MMEL1: variants seen among roughly 807,000 people sequenced by gnomAD.
MMEL1 encodes the protein membrane metalloendopeptidase like 1, also known as membrane metallo-endopeptidase-like 1.
Under a neutral mutation model 117.1 loss-of-function variants are expected in MMEL1, and 98 were observed. That is an observed-to-expected ratio of 0.84 (90% CI 0.71 to 0.99). The LOEUF (loss-of-function observed/expected upper bound fraction) is 0.99, where lower values mean the gene tolerates loss of function less well. Ranked by LOEUF, MMEL1 falls within the 50% of genes least tolerant of loss-of-function variation. The pLI is 0.00. For synonymous variants in MMEL1, 390 were observed against 415.1 expected, an observed-to-expected ratio of 0.94 and a Z score of 0.74; for missense variants, 1,014 against 1,049.1, an observed-to-expected ratio of 0.97 and a Z score of 0.46.
In MMEL1 at chr1:2,595,324, G is replaced by A; in HGVS notation, c.1536C>T (p.Asp512=). 1 of 1,613,948 alleles carries A rather than the reference G, an allele frequency of 6.2e-7. No homozygotes were observed. The highest frequency in any genetic ancestry group is 1.1e-5 in the South Asian group (1 of 91,084). ...GCCTGTTCATCTCCTCCAGGATGTA[G>A]TCAGGGTGCCCGATCTGCTCCCGGA... The part of the protein sequence containing the change: ...MSIREQIGHP[D]YILEEMNRRL... Residue 512 remains aspartate (D), a synonymous_variant, in exon 16 of 24, where the codon GAC becomes GAT. Transcript: ENST00000378412. This position sits in a 1 kb window ranked among gnomAD's most constrained non-coding sequence, Gnocchi z 4.8.
intron 2 of MMEL1, among the ~76,000 whole-genome samples, chr1:2,629,077 A>G (rs1354414252): frequency 2.6e-5 from 4 of 151,812 alleles, no homozygotes; most frequent in African/African-American, 7.3e-5. Flanking sequence ...GAGCTGCAGA[A>G]GCAGCGCGCG....
At chr1:2,608,530 C>T (rs1489419144) in intron 6 of MMEL1, among the ~76,000 whole-genome samples, 2 of 124,834 alleles carry the variant, frequency 1.6e-5, no homozygotes, top group Non-Finnish European at 3.3e-5. Flanking sequence ...CACACATACA[C>T]ATACACACAT....
At chr1:2,591,733 G>A (rs1396887652) in intron 22 of MMEL1, 100 bp from the exon 23 acceptor site, 4 of 1,141,538 alleles carry the variant, frequency 3.5e-6, no homozygotes, top group Non-Finnish European at 5.3e-6. Context: ...CTTCTAGGGT[G>A]GGGTGAGGGG....
chr1:2,626,054 T>C (rs1638260304), intron 2 of MMEL1, among the ~76,000 whole-genome samples: 1 of 152,088 alleles, frequency 6.6e-6, no homozygotes, highest in Non-Finnish European at 1.5e-5. Flanking sequence ...AGGACAGCGG[T>C]GAAGGGAAAT....
intron 2 of MMEL1, among the ~76,000 whole-genome samples, chr1:2,615,161 TC>T (rs1645183082): frequency 6.6e-6 from 1 of 152,112 alleles, no homozygotes; most frequent in Non-Finnish European, 1.5e-5. Flanking sequence ...GGAGCATAAC[TC>T]CCCACTCCTC....
intron 3 of MMEL1, among the ~76,000 whole-genome samples, chr1:2,611,580 T>G (rs1251265506): frequency 6.6e-6 from 1 of 152,142 alleles, no homozygotes; most frequent in Non-Finnish European, 1.5e-5. Flanking sequence ...TCCATCCCCA[T>G]GGGTGGTCCA....
At chr1:2,629,007 GC>G (rs959355901) in intron 2 of MMEL1, among the ~76,000 whole-genome samples, 5 of 151,858 alleles carry the variant, frequency 3.3e-5, no homozygotes, top group Non-Finnish European at 5.9e-5. Context: ...ACGGGTCTGC[GC>G]CCCCCACCCT....
chr1:2,604,184 A>C lies in MMEL1; in HGVS notation c.914T>G (p.Met305Arg). 6.7e-7 allele frequency: 1 copy of C among 1,502,322 alleles called. No homozygotes were observed. Among genetic ancestry groups the C allele is most frequent in the Non-Finnish European group, 9.0e-7 (1 of 1,112,132 alleles). 93.1% of individuals were successfully genotyped at this position (1,502,322 alleles called of 1,614,324 possible). A position where few individuals can be genotyped will look rare whatever the true frequency, so the allele number is the denominator to read the frequency against. The change falls in exon 10 of 24, where the codon ATG becomes AGG. Residue 305 changes from methionine to arginine, a missense_variant. Transcript: ENST00000378412. ...PRDSCLVQED[M>R]VQVLELETQL... ...TGTCTCCAGCTCCAGCACCTGCACC[A>C]TGTCCTCCTGCACCAGGCAGCTGTC...
Position 2,595,401 on chromosome 1 carries a change from G to A in MMEL1, c.1501-42C>T, listed in dbSNP as rs768975650. 2.2e-5 allele frequency: 34 copies of A among 1,568,784 alleles called. No individual in the cohort carries two copies. The highest frequency in any genetic ancestry group is 1.3e-4 in the East Asian group (6 of 44,656). On this transcript the variant is annotated intron_variant, in intron 15 of 23. Coordinates refer to ENST00000378412, the MANE Select transcript of MMEL1 (RefSeq NM_033467.4). The surrounding 1 kb of genome is among the most constrained non-coding windows in gnomAD (Gnocchi z 4.8). Reference sequence around the variant, plus strand: ...GACTGGTCAGTGGGTGCCCCACTGCGGATGGAGTCAGCCCGGGGGCCGGTC... The same window carrying A: ...GACTGGTCAGTGGGTGCCCCACTGCAGATGGAGTCAGCCCGGGGGCCGGTC...
At chr1:2,606,410 G>A (rs762843937) in intron 7 of MMEL1, 44 bp from the exon 8 acceptor site, 14 of 1,498,758 alleles carry the variant, frequency 9.3e-6, no homozygotes, top group Non-Finnish European at 1.2e-5. Context: ...GGGCCCTGGG[G>A]CCCCAGCCCG....
At position 2,595,667 on chromosome 1, in the gene MMEL1, G is replaced by A. The variant is rs1644824414; in HGVS notation, c.1501-308C>T. Among the ~76,000 whole-genome samples, 1 of 152,102 alleles carries A rather than the reference G, an allele frequency of 6.6e-6. No homozygotes were observed. Among genetic ancestry groups the A allele is most frequent in the Non-Finnish European group, 1.5e-5 (1 of 68,006 alleles). On this transcript the variant is annotated intron_variant, in intron 15 of 23. Transcript: ENST00000378412. The surrounding 1 kb of genome is among the most constrained non-coding windows in gnomAD (Gnocchi z 4.8). ...CACTCGGCTGCCGTCTGTCACTTGG[G>A]TCCAGAGGAGCTTCTGGTGGGTCTG...
intron 2 of MMEL1, among the ~76,000 whole-genome samples, chr1:2,619,882 A>T (rs907543305): frequency 7.2e-5 from 11 of 152,196 alleles, no homozygotes; most frequent in Non-Finnish European, 1.6e-4. Context: ...ATGCAGGAGA[A>T]AGTCAACAAG....
In MMEL1 at chr1:2,592,630, C is replaced by T. The variant is rs377631947; in HGVS notation, c.2067+25G>A. 478 of 1,142,760 alleles carry T rather than the reference C, an allele frequency of 4.2e-4. 1 individual carries two copies. The highest frequency in any genetic ancestry group is 5.2e-4 in the Non-Finnish European group (443 of 848,090). The allele number at this position is 1,142,760 out of a possible 1,614,324, so 70.8% of individuals were successfully genotyped here. On this transcript the variant is annotated intron_variant, in intron 21 of 23. Transcript: ENST00000378412. ...GACGCCCCCTCCCCTGCCGCGCTGA[C>T]GCCCCCTCCCCTGCCAGGCCCCACC...
intron 4 of MMEL1, among the ~76,000 whole-genome samples, chr1:2,610,240 C>T (rs369988368): frequency 6.6e-6 from 1 of 152,130 alleles, no homozygotes. Context: ...AACAGGGTCT[C>T]GCTGTGTTGC....
chr1:2,597,070 C>T (rs1644854653), intron 13 of MMEL1, among the ~76,000 whole-genome samples: 1 of 152,070 alleles, frequency 6.6e-6, no homozygotes, highest in Admixed American at 6.5e-5. Flanking sequence ...CTCTCAGCCA[C>T]CAGCTCCCAG....
intron 13 of MMEL1, among the ~76,000 whole-genome samples, chr1:2,597,135 C>T (rs946244180): frequency 6.6e-6 from 1 of 152,108 alleles, no homozygotes; most frequent in Non-Finnish European, 1.5e-5. Context: ...TCATCTGTCC[C>T]CAGGGACACA....
chr1:2,592,890 T>G lies in MMEL1; in HGVS notation c.1944A>C (p.Ser648=). The G allele has an allele frequency of 6.2e-7, 1 of 1,613,800 alleles. No homozygotes were observed. Among genetic ancestry groups the G allele is most frequent in the Non-Finnish European group, 8.5e-7 (1 of 1,179,932 alleles). ...NFSTQHFREQ[S]ECMIYQYGNY... ...TGCCGTACTGGTAGATCATGCACTCTGACTGCTCCCGGAAGTGCTGGGTGG... is the reference window on the plus strand; with the variant it reads ...TGCCGTACTGGTAGATCATGCACTCGGACTGCTCCCGGAAGTGCTGGGTGG... Residue 648 remains serine, a synonymous_variant, in exon 20 of 24, where the codon TCA becomes TCC. Coordinates refer to ENST00000378412, the MANE Select transcript of MMEL1 (RefSeq NM_033467.4).
At chr1:2,596,181 A>G in intron 14 of MMEL1, 74 bp from the exon 15 acceptor site, 1 of 1,395,888 alleles carries the variant, frequency 7.2e-7, no homozygotes, top group Non-Finnish European at 1.0e-6. Flanking sequence ...GGCTTTGGGG[A>G]GGTCTGGTCT....
chr1:2,600,722 G>GTTGC (rs1553139878), intron 11 of MMEL1, among the ~76,000 whole-genome samples: 1 of 150,610 alleles, frequency 6.6e-6, no homozygotes. Flanking sequence ...CAACCCCCCT[G>GTTGC]TTTTTTTACA....
Sources: allele counts gnomAD v4.1 joint callset (sites outside exome capture counted in the v4.1 genomes callset), GRCh38; gene constraint gnomAD v4.1.1; non-coding constraint Gnocchi (gnomAD v3.1); transcripts MANE v1.5; gene names NCBI Gene and HGNC (gene_info 2026-07-23, HGNC 2026-07-21).